Variants in HTT observed in about 807,000 individuals in gnomAD.
HTT encodes huntingtin.
In HTT, 104 loss-of-function variants were observed where a neutral mutation model predicts 362.3. That is an observed-to-expected ratio of 0.29 (90% confidence interval 0.24 to 0.34). The LOEUF (loss-of-function observed/expected upper bound fraction) is 0.34, where lower values mean the gene tolerates loss of function less well. Ranked by LOEUF, HTT falls within the 10% of genes least tolerant of loss-of-function variation. The pLI is 1.00. For synonymous variants in HTT, 1,577 were observed against 1,548.7 expected (o/e 1.02, Z -0.43); for missense variants, 3,301 against 3,928.6 (o/e 0.84, Z 4.27).
rs1715715420 is a variant in HTT, at chr4:3,129,820, C to G, written c.1744-104C>G. On this transcript the variant is annotated intron_variant, in intron 12 of 66. Transcript: ENST00000355072. ...AATGACAGATGAGTACATTTGTGTTCTGTGTGTAAAATGTGCTCTTTCCTC... is the reference window on the plus strand; with the variant it reads ...AATGACAGATGAGTACATTTGTGTTGTGTGTGTAAAATGTGCTCTTTCCTC... 4.5e-6 allele frequency: 6 copies of G among 1,330,394 alleles called. No individual in the cohort carries two copies. The Admixed American group carries it at 1.0e-4, about 23-fold the overall frequency. The allele number at this position is 1,330,394 out of a possible 1,614,324, so 82.4% of individuals were successfully genotyped here.
chr4:3,220,351 C>A, intron 53 of HTT, 43 bp downstream of exon 53: 1 of 1,593,164 alleles, frequency 6.3e-7, no homozygotes, highest in Non-Finnish European at 8.6e-7. Context: ...TGTCGGACAT[C>A]TACCGGGAGG....
chr4:3,080,827 G>A (rs149168644), intron 1 of HTT, among the ~76,000 whole-genome samples: 79 of 152,328 alleles, frequency 5.2e-4, no homozygotes, highest in African/African-American at 1.3e-3. Context: ...AGTTGTCCCA[G>A]CACTGTTTGT....
chr4:3,076,082 G>T (rs890466131), intron 1 of HTT, among the ~76,000 whole-genome samples: 1 of 152,186 alleles, frequency 6.6e-6, no homozygotes, highest in Non-Finnish European at 1.5e-5. Flanking sequence ...CATCTCAGAT[G>T]TGCCAGTGAA....
chr4:3,157,314 C>T (rs1717198131), intron 28 of HTT, 115 bp downstream of exon 28: 2 of 999,250 alleles, frequency 2.0e-6, no homozygotes, highest in East Asian at 2.6e-5. Flanking sequence ...ATATGAGTTA[C>T]ATTTAGTTTT....
At position 3,074,933 on chromosome 4, in the gene HTT, G is replaced by GCAGCAA. The variant is rs1553909034; in HGVS notation, c.110_111insGCAACA (p.Gln37_Gln38dup). ...AGCAGCAGCAGCAGCAGCAGCAGCA[G>GCAGCAA]CAACAGCCGCCACCGCCGCCGCCGC... On this transcript the variant is annotated inframe_insertion, in exon 1 of 67. Coordinates refer to ENST00000355072, the MANE Select transcript of HTT (RefSeq NM_001388492.1). 7.6e-6 allele frequency: 11 copies of GCAGCAA among 1,443,948 alleles called. No individual in the cohort carries two copies. The highest frequency in any genetic ancestry group is 3.8e-5 in the South Asian group (3 of 77,938). 89.4% of individuals were successfully genotyped at this position (1,443,948 alleles called of 1,614,324 possible).
At chr4:3,185,888 A>G (rs749814187) in intron 37 of HTT, among the ~76,000 whole-genome samples, 3 of 151,788 alleles carry the variant, frequency 2.0e-5, no homozygotes, top group Non-Finnish European at 4.4e-5. Context: ...TCTGTTAGAA[A>G]GAGAGAGAGA....
intron 61 of HTT, 81 bp from the exon 62 acceptor site, chr4:3,235,203 C>A (rs758649908): frequency 2.0e-6 from 2 of 1,019,950 alleles, no homozygotes; most frequent in Non-Finnish European, 3.0e-6. Context: ...TCTACACTCC[C>A]GCGTGGGGCC....
In HTT at chr4:3,228,839, T is replaced by C; in HGVS notation, c.7980-41T>C. Reference sequence around the variant, plus strand: ...GGTGCTTCTTGAAATGAGCCTCTCATCTCATGTACTTGGAAAATACCCATC... The same window carrying C: ...GGTGCTTCTTGAAATGAGCCTCTCACCTCATGTACTTGGAAAATACCCATC... On this transcript the variant is annotated intron_variant, in intron 58 of 66. Transcript: ENST00000355072. This position sits in a 1 kb window ranked among gnomAD's most constrained non-coding sequence, Gnocchi z 4.3. 1.3e-6 allele frequency: 2 copies of C among 1,593,216 alleles called. No individual in the cohort carries two copies. The highest frequency in any genetic ancestry group is 2.2e-5 in the South Asian group (2 of 90,090).
chr4:3,164,617 G>A (rs116197253), intron 29 of HTT, among the ~76,000 whole-genome samples: 4,811 of 152,224 alleles, frequency 0.032, 107 homozygotes, highest in South Asian at 0.076. Context: ...TATTGGGGGC[G>A]TGTATATTTA....
At chr4:3,096,804 T>C (rs540176997) in intron 2 of HTT, among the ~76,000 whole-genome samples, 2 of 152,270 alleles carry the variant, frequency 1.3e-5, no homozygotes, top group South Asian at 2.1e-4. Flanking sequence ...AACTTGAAAA[T>C]GACAAGCAAA....
chr4:3,105,603 G>A (rs1714383175), intron 5 of HTT, among the ~76,000 whole-genome samples, 167 bp downstream of exon 5: 1 of 152,162 alleles, frequency 6.6e-6, no homozygotes, highest in Non-Finnish European at 1.5e-5. Context: ...GTCAGAAATT[G>A]TCACGTACAG....
rs2110200460 is a variant in HTT, at chr4:3,142,865, A to G, written c.3045A>G (p.Thr1015=). The part of the protein sequence containing the change: ...VIAAVSHELI[T]STTRALTFGC... ...CAGCAGTTTCTCATGAACTAATCAC[A>G]TCAACCACCAGAGCACTCACAGTAA... Residue 1015 remains threonine, a synonymous_variant, in exon 23 of 67, where the codon ACA becomes ACG. Transcript: ENST00000355072. The G allele has an allele frequency of 6.2e-7, 1 of 1,612,780 alleles. No individual in the cohort carries two copies. Among genetic ancestry groups the G allele is most frequent in the Non-Finnish European group, 8.5e-7 (1 of 1,178,896 alleles).
chr4:3,207,516 A>G (rs1356329103), intron 45 of HTT, among the ~76,000 whole-genome samples, 159 bp downstream of exon 45: 1 of 152,230 alleles, frequency 6.6e-6, no homozygotes, highest in East Asian at 1.9e-4. Flanking sequence ...CTTTTAAAAC[A>G]ACCAGATCTC....
At position 3,206,676 on chromosome 4, in the gene HTT, G is replaced by A; in HGVS notation, c.5898+1G>A. 1 of 1,613,146 alleles carries A rather than the reference G, an allele frequency of 6.2e-7. No homozygotes were observed. Among genetic ancestry groups the A allele is most frequent in the Non-Finnish European group, 8.5e-7 (1 of 1,179,190 alleles). On this transcript the variant is annotated splice_donor_variant, in intron 43 of 66. Transcript: ENST00000355072. LOFTEE classifies it high-confidence loss of function. The surrounding 1 kb of genome is among the most constrained non-coding windows in gnomAD (Gnocchi z 4.6). Reference sequence around the variant, plus strand: ...GTCTCGTTGTGAAAACCTTTCAACTGTACGTCTTCATCCTGCCGACTATTG... The same window carrying A: ...GTCTCGTTGTGAAAACCTTTCAACTATACGTCTTCATCCTGCCGACTATTG...
At position 3,143,076 on chromosome 4, in the gene HTT, G is replaced by A. The variant is rs1212664133; in HGVS notation, c.3066+190G>A. Among the ~76,000 whole-genome samples, 8 of 152,236 alleles carry A rather than the reference G, an allele frequency of 5.3e-5. No homozygotes were observed. The East Asian group carries it at 1.3e-3, about 26-fold the overall frequency. ...TTACTCCAGGAATGTAAATGACTAT[G>A]TTTTTTCTGATTATTAAAGTAATAC... On this transcript the variant is annotated intron_variant, in intron 23 of 66. Coordinates refer to ENST00000355072, the MANE Select transcript of HTT (RefSeq NM_001388492.1).
rs765124775 is a variant in HTT at position 3,105,338 on chromosome 4, C to T, written c.529-19C>T. On this transcript the variant is annotated intron_variant, in intron 4 of 66. Coordinates refer to ENST00000355072, the MANE Select transcript of HTT (RefSeq NM_001388492.1). The stretch of plus-strand genomic sequence containing the variant: ...ACTAGTATGTGACTCTTAATGCAAC[C>T]CTCATTGCACCCCCTCAGAATGGTG... 2.0e-5 allele frequency: 31 copies of T among 1,578,624 alleles called. No homozygotes were observed. The South Asian group carries it at 2.7e-4, about 14-fold the overall frequency.
At position 3,218,181 on chromosome 4, in the gene HTT, C is replaced by T. The variant is rs897008063; in HGVS notation, c.7242+229C>T. ...TCTAAAATGAACTGAGGCCCTACAT[C>T]CCTAAGAGATTAGTGTTAGACCTGA... is the stretch of plus-strand genomic sequence containing the variant. On this transcript the variant is annotated intron_variant, in intron 52 of 66. Transcript: ENST00000355072. This position sits in a 1 kb window ranked among gnomAD's most constrained non-coding sequence, Gnocchi z 4.4. 1.3e-5 allele frequency among the ~76,000 whole-genome samples: 2 copies of T among 152,212 alleles called. No individual in the cohort carries two copies. The highest frequency in any genetic ancestry group is 2.9e-5 in the Non-Finnish European group (2 of 68,036).
chr4:3,169,072 G>A (rs1305526711), intron 29 of HTT, among the ~76,000 whole-genome samples: 1 of 144,698 alleles, frequency 6.9e-6, no homozygotes, highest in Non-Finnish European at 1.5e-5. Context: ...GCGTTGGAGT[G>A]CAGTGACACT....
chr4:3,097,480 A>G (rs1204060334), intron 2 of HTT, among the ~76,000 whole-genome samples: 1 of 152,078 alleles, frequency 6.6e-6, no homozygotes, highest in African/African-American at 2.4e-5. Flanking sequence ...AAAAATACAA[A>G]AATTAGTTGG....
Sources: gnomAD v4.1 joint callset for allele counts (sites outside exome capture counted in the v4.1 genomes callset) on GRCh38, gnomAD v4.1.1 for gene constraint, Gnocchi (gnomAD v3.1) non-coding constraint, MANE v1.5 for transcripts, NCBI Gene and HGNC (gene_info 2026-07-23, HGNC 2026-07-21) for gene names.